Variants in ARID2 observed in about 807,000 individuals in gnomAD.
ARID2 encodes AT-rich interaction domain 2.
ARID2 carries 32 observed loss-of-function variants against 184.6 expected under a neutral mutation model. The observed-to-expected ratio is 0.17, with a 90% CI of 0.13 to 0.23. The LOEUF (loss-of-function observed/expected upper bound fraction) is 0.23. ARID2 is among the 10% of genes least tolerant of loss of function. ARID2 has a pLI of 1.00. For missense variants in ARID2, 1,696 were observed against 2,197.6 expected (o/e 0.77, Z 4.56); for synonymous variants, 836 against 772.6 (o/e 1.08, Z -1.36).
At chr12:45,770,597 A>G (rs1941857842) in intron 3 of ARID2, among the ~76,000 whole-genome samples, 1 of 152,156 alleles carries the variant, frequency 6.6e-6, no homozygotes, top group Admixed American at 6.5e-5. Context: ...AATTTTATTG[A>G]ATGACAGAAC....
At chr12:45,885,823 A>G (rs1012601987) in intron 16 of ARID2, among the ~76,000 whole-genome samples, 1 of 152,202 alleles carries the variant, frequency 6.6e-6, no homozygotes, top group Admixed American at 6.5e-5. Context: ...CAGTATCACA[A>G]GAACAGCATA....
At chr12:45,856,155 A>G (rs1306430427) in intron 15 of ARID2, among the ~76,000 whole-genome samples, 1 of 137,778 alleles carries the variant, frequency 7.3e-6, no homozygotes, top group African/African-American at 2.7e-5. Flanking sequence ...GCTCACTGCA[A>G]CCTCTACCTC....
intron 3 of ARID2, 90 bp downstream of exon 3, chr12:45,731,404 A>G (rs1940995348): frequency 1.2e-6 from 1 of 844,018 alleles, no homozygotes; most frequent in African/African-American, 1.7e-5. Flanking sequence ...AACCTTGCAC[A>G]CCAAACAGTT....
intron 3 of ARID2, among the ~76,000 whole-genome samples, chr12:45,765,356 G>A (rs1005338233): frequency 2.0e-5 from 3 of 151,856 alleles, no homozygotes; most frequent in Non-Finnish European, 4.4e-5. Flanking sequence ...GCAGGCACAC[G>A]CCACCAATCC....
At chr12:45,877,787 AAG>A (rs1263146807) in intron 16 of ARID2, among the ~76,000 whole-genome samples, 2 of 151,830 alleles carry the variant, frequency 1.3e-5, no homozygotes, top group Admixed American at 6.5e-5. Context: ...AAGTAAGAAA[AAG>A]AAATATTTTG....
Position 45,850,690 on chromosome 12 carries a change from C to G in ARID2, c.2567C>G (p.Thr856Ser), listed in dbSNP as rs2138164284. Residue 856 changes from threonine to serine, a missense_variant, in exon 15 of 21, where the codon ACT (threonine) becomes AGT (serine). This residue lies in a region of ARID2 where 713 missense variants were observed against 824.4 expected (regional missense o/e 0.86). Coordinates refer to ENST00000334344, the MANE Select transcript of ARID2 (RefSeq NM_152641.4). ...VIIAPPQYVT[T>S]SASNIVSATS... ...ATAGCACCCCCACAGTATGTAACAACTTCTGCATCCAATATTGTCTCAGCA... is the reference window on the plus strand; with the variant it reads ...ATAGCACCCCCACAGTATGTAACAAGTTCTGCATCCAATATTGTCTCAGCA... 3 of 1,614,102 alleles carry G rather than the reference C, an allele frequency of 1.9e-6. No individual in the cohort carries two copies. Among genetic ancestry groups the G allele is most frequent in the Non-Finnish European group, 2.5e-6 (3 of 1,179,972 alleles).
chr12:45,771,294 G>C (rs767227487), intron 3 of ARID2, among the ~76,000 whole-genome samples: 42 of 149,848 alleles, frequency 2.8e-4, no homozygotes, highest in Non-Finnish European at 5.8e-4. Context: ...GGAGGCGGAG[G>C]TTGCAGTCAG....
At chr12:45,786,007 G>A (rs1370385676) in intron 3 of ARID2, among the ~76,000 whole-genome samples, 1 of 152,154 alleles carries the variant, frequency 6.6e-6, no homozygotes, top group Non-Finnish European at 1.5e-5. Context: ...GTAGGCTATA[G>A]AGAGGGTCAT....
intron 3 of ARID2, among the ~76,000 whole-genome samples, chr12:45,746,548 T>C (rs908822879): frequency 1.4e-4 from 22 of 152,240 alleles, no homozygotes; most frequent in Admixed American, 1.4e-3. Context: ...TGGTTTATGA[T>C]ACCATGTTGA....
Position 45,808,736 on chromosome 12 carries a change from C to CGT in ARID2, c.285-2659_285-2658dup, listed in dbSNP as rs138992855. On this transcript the variant is annotated intron_variant, in intron 3 of 20. Transcript: ENST00000334344. ...GTTATTAAAAATGTGTGTTTGCGTG[C>CGT]GTGTGTGTGTGTGTGTGTGTGTGTA... Among the ~76,000 whole-genome samples the CGT allele has an allele frequency of 9.0e-3, 1,332 of 147,552 alleles. 5 individuals are homozygous for CGT. Among genetic ancestry groups the CGT allele is most frequent in the East Asian group, 0.022 (111 of 5,056 alleles).
intron 3 of ARID2, among the ~76,000 whole-genome samples, chr12:45,733,565 T>A (rs143967723): frequency 4.0e-4 from 61 of 152,378 alleles, no homozygotes; most frequent in African/African-American, 1.3e-3. Context: ...TCATTTGACC[T>A]ATTGTAAGAC....
At chr12:45,795,960 G>A (rs1055552549) in intron 3 of ARID2, among the ~76,000 whole-genome samples, 14 of 151,864 alleles carry the variant, frequency 9.2e-5, no homozygotes, top group African/African-American at 2.9e-4. Flanking sequence ...TTAAAGATTT[G>A]TTATTTGTTT....
intron 6 of ARID2, among the ~76,000 whole-genome samples, chr12:45,826,879 G>A (rs949350672): frequency 1.3e-5 from 2 of 151,892 alleles, no homozygotes; most frequent in Non-Finnish European, 2.9e-5. Context: ...TAAAGCAAAA[G>A]TTTTATTCAG....
intron 3 of ARID2, among the ~76,000 whole-genome samples, chr12:45,792,089 G>A (rs999996623): frequency 6.6e-6 from 1 of 151,922 alleles, no homozygotes; most frequent in African/African-American, 2.4e-5. Context: ...TTCTGCATTT[G>A]CCTTTTATTC....
At chr12:45,788,371 A>C (rs1430202719) in intron 3 of ARID2, among the ~76,000 whole-genome samples, 1 of 152,182 alleles carries the variant, frequency 6.6e-6, no homozygotes, top group African/African-American at 2.4e-5. Context: ...CCTCAAGATC[A>C]TGTAGCTGAT....
intron 20 of ARID2, among the ~76,000 whole-genome samples, chr12:45,895,173 C>T (rs1305632962): frequency 6.6e-6 from 1 of 152,138 alleles, no homozygotes; most frequent in Non-Finnish European, 1.5e-5. Context: ...GGCTTTTTCC[C>T]TTACAGAACT....
At chr12:45,857,806 C>A (rs926910590) in intron 15 of ARID2, among the ~76,000 whole-genome samples, 3 of 152,060 alleles carry the variant, frequency 2.0e-5, no homozygotes, top group African/African-American at 7.2e-5. Flanking sequence ...GTTGCCTAGG[C>A]TGGAGTGCAG....
intron 3 of ARID2, among the ~76,000 whole-genome samples, chr12:45,738,915 C>A (rs561693363): frequency 6.7e-6 from 1 of 150,036 alleles, no homozygotes; most frequent in African/African-American, 2.5e-5. Flanking sequence ...TTCCCTGCTT[C>A]ACCTTCCCAT....
chr12:45,866,973 T>C (rs1169666294), intron 16 of ARID2, among the ~76,000 whole-genome samples: 1 of 151,522 alleles, frequency 6.6e-6, no homozygotes, highest in Non-Finnish European at 1.5e-5. Context: ...TGTTTGGAGA[T>C]GGAGTCTTAC....
Sources: allele counts gnomAD v4.1 joint callset (sites outside exome capture counted in the v4.1 genomes callset), GRCh38; gene constraint gnomAD v4.1.1; regional missense constraint gnomAD v4.1.1; transcripts MANE v1.5; gene names NCBI Gene and HGNC (gene_info 2026-07-23, HGNC 2026-07-21).